The following AGBL1 variants were observed in gnomAD, a reference collection of about 807,000 sequenced individuals.
The protein encoded by AGBL1 is AGBL carboxypeptidase 1, also known as cytosolic carboxypeptidase 4.
Under a neutral mutation model 118.9 loss-of-function variants are expected in AGBL1, and 130 were observed. The observed-to-expected ratio is 1.09, with a 90% CI of 0.95 to 1.26. The LOEUF (loss-of-function observed/expected upper bound fraction) is 1.26. Ranked by LOEUF, AGBL1 falls within the 50% of genes most tolerant of loss-of-function variation. AGBL1 has a pLI of 0.00. For synonymous variants in AGBL1, 555 were observed against 478.9 expected (o/e 1.16, Z -2.08); for missense variants, 1,584 against 1,298.1 (o/e 1.22, Z -3.38).
At chr15:86,481,897 A>C (rs1050872253) in intron 18 of AGBL1, among the ~76,000 whole-genome samples, 1 of 152,092 alleles carries the variant, frequency 6.6e-6, no homozygotes, top group Non-Finnish European at 1.5e-5. Flanking sequence ...GTTTTACTCA[A>C]ATGACTCATT....
intron 22 of AGBL1, among the ~76,000 whole-genome samples, chr15:86,790,209 G>GA (rs1312789690): frequency 9.2e-5 from 14 of 151,910 alleles, no homozygotes; most frequent in South Asian, 2.1e-4. Context: ...TGTTTCTCCA[G>GA]AAAAAAGACA....
chr15:86,838,198 A>G (rs2079194726), intron 22 of AGBL1, among the ~76,000 whole-genome samples: 1 of 151,796 alleles, frequency 6.6e-6, no homozygotes. Flanking sequence ...AAAAAATCTT[A>G]TGTTTATATT....
At chr15:86,674,644 T>G (rs999390878) in intron 22 of AGBL1, among the ~76,000 whole-genome samples, 10 of 152,196 alleles carry the variant, frequency 6.6e-5, no homozygotes, top group Admixed American at 3.9e-4. Context: ...AATATAAAAC[T>G]ATATGTATTT....
rs74401361 is a variant in AGBL1 at position 86,729,082 on chromosome 15, A to T, written c.3158+54646A>T. On this transcript the variant is annotated intron_variant, in intron 22 of 22. Coordinates refer to ENST00000614907, the MANE Select transcript of AGBL1 (RefSeq NM_001386094.1). ...TTAACATTTATCTAAGCTCCCTCCA[A>T]TAGAGTCTCCTAGGCCTGTAACCAA... Among the ~76,000 whole-genome samples, 265 of 152,294 alleles carry T rather than the reference A, an allele frequency of 1.7e-3. 3 individuals carry two copies. The East Asian group carries it at 0.022, about 13-fold the overall frequency.
At chr15:86,263,599 A>G (rs4887425) in intron 10 of AGBL1, among the ~76,000 whole-genome samples, 1 of 152,156 alleles carries the variant, frequency 6.6e-6, no homozygotes, top group African/African-American at 2.4e-5. Flanking sequence ...GTTGTCCTAG[A>G]TGGCTTTTTG....
At chr15:86,097,836 G>C (rs1896478731) in intron 1 of AGBL1, among the ~76,000 whole-genome samples, 1 of 152,108 alleles carries the variant, frequency 6.6e-6, no homozygotes, top group Non-Finnish European at 1.5e-5. Context: ...TAAATACTCA[G>C]TGGTAGAATT....
chr15:86,775,198 C>T (rs1375857801), intron 22 of AGBL1, among the ~76,000 whole-genome samples: 1 of 152,096 alleles, frequency 6.6e-6, no homozygotes, highest in East Asian at 1.9e-4. Flanking sequence ...AGGGAGGTGA[C>T]TTAAAGGCCT....
At chr15:86,854,234 G>A (rs908663542) in intron 22 of AGBL1, among the ~76,000 whole-genome samples, 1 of 152,178 alleles carries the variant, frequency 6.6e-6, no homozygotes, top group Non-Finnish European at 1.5e-5. Flanking sequence ...TTGTATCACT[G>A]GAGTGGTAAT....
At chr15:86,896,577 A>T (rs574177595) in intron 22 of AGBL1, among the ~76,000 whole-genome samples, 1 of 152,196 alleles carries the variant, frequency 6.6e-6, no homozygotes, top group Admixed American at 6.6e-5. Flanking sequence ...TAGGTTTTCT[A>T]ACTTTGTTGC....
chr15:86,609,292 G>A (rs756159757), intron 21 of AGBL1, among the ~76,000 whole-genome samples: 11 of 152,180 alleles, frequency 7.2e-5, no homozygotes, highest in Non-Finnish European at 1.2e-4. Flanking sequence ...TCAGAAAGGA[G>A]GAGGAATTCA....
chr15:86,393,593 A>T (rs1182108557), intron 17 of AGBL1, among the ~76,000 whole-genome samples: 2 of 152,188 alleles, frequency 1.3e-5, no homozygotes, highest in East Asian at 3.9e-4. Flanking sequence ...AAAAAGCGAA[A>T]CCAACTGTGA....
At chr15:86,515,193 C>A (rs2083105306) in intron 18 of AGBL1, among the ~76,000 whole-genome samples, 1 of 152,156 alleles carries the variant, frequency 6.6e-6, no homozygotes, top group Non-Finnish European at 1.5e-5. Context: ...CTGAATAATA[C>A]CTCTTGTCTA....
Position 86,388,459 on chromosome 15 carries a change from A to G in AGBL1, c.2375-8907A>G, listed in dbSNP as rs1202204330. 3.9e-5 allele frequency among the ~76,000 whole-genome samples: 6 copies of G among 152,294 alleles called. 1 individual carries two copies. The highest frequency in any genetic ancestry group is 6.8e-3 in the Middle Eastern group (2 of 294). ...TTCATCTACCCTGTTTCACATTGCC[A>G]TTGATAATCATTAAATTTAGTGCAG... is the stretch of plus-strand genomic sequence containing the variant. On this transcript the variant is annotated intron_variant, in intron 17 of 22. Coordinates refer to ENST00000614907, the MANE Select transcript of AGBL1 (RefSeq NM_001386094.1).
At chr15:86,432,474 T>C (rs2081945895) in intron 18 of AGBL1, among the ~76,000 whole-genome samples, 1 of 152,222 alleles carries the variant, frequency 6.6e-6, no homozygotes, top group Non-Finnish European at 1.5e-5. Flanking sequence ...TGTTAGTGTG[T>C]ATTTTTGGGA....
intron 24 of AGBL1, among the ~76,000 whole-genome samples, chr15:87,017,235 T>C (rs2081615945): frequency 6.6e-6 from 1 of 152,002 alleles, no homozygotes; most frequent in South Asian, 2.1e-4. Context: ...ACAGTCCAGA[T>C]GAGGAAGGGT....
chr15:86,701,365 G>C (rs2086355141), intron 22 of AGBL1, among the ~76,000 whole-genome samples: 1 of 152,024 alleles, frequency 6.6e-6, no homozygotes, highest in Non-Finnish European at 1.5e-5. Context: ...TCATAATTCT[G>C]AAGCTAGAAT....
intron 16 of AGBL1, among the ~76,000 whole-genome samples, chr15:86,280,589 T>G (rs568562464): frequency 6.6e-6 from 1 of 152,346 alleles, no homozygotes; most frequent in East Asian, 1.9e-4. Flanking sequence ...TCATCCTCTA[T>G]GTTAATGTAA....
At chr15:86,885,637 G>A (rs939140600) in intron 22 of AGBL1, among the ~76,000 whole-genome samples, 1 of 152,030 alleles carries the variant, frequency 6.6e-6, no homozygotes, top group African/African-American at 2.4e-5. Flanking sequence ...TCATTGTCAG[G>A]AAAAATGTAT....
chr15:86,247,687 A>G lies in AGBL1; in HGVS notation c.543A>G (p.Arg181=), dbSNP rs368739645. ...ALLKSKSNGR[R]AVNRGYVTSL... is the part of the protein sequence containing the mutation. ...TGTTTTCAGAGTCGAACGGCCGCAGAGCAGTGAACCGAGGCTACGTCACCA... is the reference window on the plus strand; with the variant it reads ...TGTTTTCAGAGTCGAACGGCCGCAGGGCAGTGAACCGAGGCTACGTCACCA... Residue 181 remains arginine, a synonymous_variant, in exon 7 of 23, where the codon AGA becomes AGG. Transcript: ENST00000614907. 42 of 1,608,636 alleles carry G rather than the reference A, an allele frequency of 2.6e-5. No individual in the cohort carries two copies. Among genetic ancestry groups the G allele is most frequent in the Non-Finnish European group, 3.6e-5 (42 of 1,177,602 alleles).
Sources: allele counts gnomAD v4.1 joint callset (sites outside exome capture counted in the v4.1 genomes callset), GRCh38; gene constraint gnomAD v4.1.1; transcripts MANE v1.5; gene names NCBI Gene and HGNC (gene_info 2026-07-23, HGNC 2026-07-21).